Variants in GADL1 observed in about 807,000 individuals in gnomAD.
GADL1 encodes GAD like acidic amino acid decarboxylase 1.
In GADL1, 71 loss-of-function variants were observed where a neutral mutation model predicts 69.5. That is an observed-to-expected ratio of 1.02 (90% CI 0.84 to 1.25). The LOEUF (loss-of-function observed/expected upper bound fraction) is 1.25. GADL1 is among the 50% of genes most tolerant of loss of function. GADL1 has a pLI of 0.00. For missense variants in GADL1, 737 were observed against 631.8 expected, an observed-to-expected ratio of 1.17 and a Z score of -1.79; for synonymous variants, 254 against 214.4, an observed-to-expected ratio of 1.18 and a Z score of -1.62.
intron 13 of GADL1, among the ~76,000 whole-genome samples, chr3:30,786,060 C>A (rs1696782480): frequency 6.6e-6 from 1 of 152,144 alleles, no homozygotes; most frequent in Admixed American, 6.6e-5. Context: ...ATTTGCAGTA[C>A]AATCATGCAA....
At chr3:30,739,363 G>T (rs142784149) in intron 14 of GADL1, among the ~76,000 whole-genome samples, 211 of 152,074 alleles carry the variant, frequency 1.4e-3, no homozygotes, top group Admixed American at 2.7e-3. Flanking sequence ...CTATCTACCT[G>T]CCCCCACCTG....
At chr3:30,841,836 G>T (rs567602491) in intron 8 of GADL1, among the ~76,000 whole-genome samples, 2 of 152,232 alleles carry the variant, frequency 1.3e-5, no homozygotes, top group South Asian at 4.1e-4. Context: ...GATGTCTCCT[G>T]ATGGCAGGAG....
intron 14 of GADL1, among the ~76,000 whole-genome samples, chr3:30,766,745 C>T (rs572198747): frequency 6.6e-6 from 1 of 150,724 alleles, no homozygotes; most frequent in South Asian, 2.1e-4. Flanking sequence ...GTCAGCTAGA[C>T]TGCAGGGGAC....
intron 1 of GADL1, among the ~76,000 whole-genome samples, chr3:30,876,798 T>C (rs1399843173): frequency 6.6e-6 from 1 of 151,934 alleles, no homozygotes; most frequent in African/African-American, 2.4e-5. Flanking sequence ...AACTTTCTTG[T>C]TCTTCACATG....
At position 30,839,529 on chromosome 3, in the gene GADL1, G is replaced by GAAAAAAAAAAAAAAAAAAA. The variant is rs1491390714; in HGVS notation, c.787-417_787-416insTTTTTTTTTTTTTTTTTTT. The stretch of plus-strand genomic sequence containing the variant: ...GTCATCTTCTCAAAAAAAAAAAAAG[G>GAAAAAAAAAAAAAAAAAAA]TTGGAAGACAGAGCTCCCGGAGTAA... On this transcript the variant is annotated intron_variant, in intron 8 of 14. Transcript: ENST00000282538. 5.8e-4 allele frequency among the ~76,000 whole-genome samples: 78 copies of GAAAAAAAAAAAAAAAAAAA among 133,804 alleles called. 5 individuals carry two copies. Among genetic ancestry groups the GAAAAAAAAAAAAAAAAAAA allele is most frequent in the African/African-American group, 2.3e-3 (77 of 33,994 alleles). 87.8% of individuals were successfully genotyped at this position (133,804 alleles called of 152,430 possible). A position where few individuals can be genotyped will look rare whatever the true frequency, so the allele number is the denominator to read the frequency against.
At chr3:30,872,252 G>T (rs886592197) in intron 1 of GADL1, among the ~76,000 whole-genome samples, 14 of 151,782 alleles carry the variant, frequency 9.2e-5, no homozygotes, top group Admixed American at 1.3e-4. Flanking sequence ...CACTTTACTC[G>T]ATCATATCCT....
intron 12 of GADL1, 83 bp downstream of exon 12, chr3:30,800,806 G>GACAC (rs35529398): frequency 3.3e-4 from 243 of 727,052 alleles, no homozygotes; most frequent in Middle Eastern, 1.9e-3. Context: ...GACACAGATA[G>GACAC]ACACACACAC....
intron 11 of GADL1, among the ~76,000 whole-genome samples, chr3:30,823,001 A>C (rs1431192746): frequency 1.3e-5 from 2 of 152,002 alleles, no homozygotes; most frequent in African/African-American, 2.4e-5. Flanking sequence ...AAAATTCAGA[A>C]CGTGGCACAT....
chr3:30,751,543 G>C (rs934507496), intron 14 of GADL1, among the ~76,000 whole-genome samples: 1 of 150,588 alleles, frequency 6.6e-6, no homozygotes, highest in African/African-American at 2.4e-5. Context: ...AAATAGGCAA[G>C]CTGGAAATAT....
intron 13 of GADL1, 99 bp downstream of exon 13, chr3:30,786,256 G>A: frequency 1.3e-6 from 1 of 762,710 alleles, no homozygotes; most frequent in Non-Finnish European, 2.3e-6. Context: ...TTTTAACTCT[G>A]CAACACAAAA....
At chr3:30,757,661 T>A (rs1004080085) in intron 14 of GADL1, among the ~76,000 whole-genome samples, 1 of 152,148 alleles carries the variant, frequency 6.6e-6, no homozygotes, top group African/African-American at 2.4e-5. Context: ...CAGAAGGACC[T>A]AGAATTCCAA....
intron 14 of GADL1, among the ~76,000 whole-genome samples, chr3:30,751,866 G>A (rs996962636): frequency 5.9e-5 from 9 of 152,174 alleles, no homozygotes; most frequent in Non-Finnish European, 1.3e-4. Context: ...AAATGGCAGG[G>A]CTAAATCTAG....
intron 14 of GADL1, among the ~76,000 whole-genome samples, chr3:30,767,452 A>T (rs1696307897): frequency 6.6e-6 from 1 of 151,852 alleles, no homozygotes; most frequent in Non-Finnish European, 1.5e-5. Flanking sequence ...TGGAAAACTG[A>T]AATAGTTTTT....
chr3:30,815,169 T>A (rs1472478510), intron 11 of GADL1, among the ~76,000 whole-genome samples: 2 of 152,134 alleles, frequency 1.3e-5, no homozygotes, highest in African/African-American at 4.8e-5. Flanking sequence ...TTATAATTTC[T>A]AATTTTCATT....
intron 1 of GADL1, among the ~76,000 whole-genome samples, chr3:30,877,191 A>T (rs936798520): frequency 9.2e-5 from 14 of 152,034 alleles, no homozygotes; most frequent in African/African-American, 3.4e-4. Context: ...AGTAAATAGC[A>T]GCGCTGATAT....
chr3:30,801,288 A>G (rs918144756), intron 11 of GADL1, among the ~76,000 whole-genome samples, 200 bp from the exon 12 acceptor site: 10 of 152,178 alleles, frequency 6.6e-5, no homozygotes, highest in African/African-American at 2.2e-4. Context: ...ACAAAACTTC[A>G]GAGTTGACAA....
At chr3:30,767,344 T>C (rs1237583898) in intron 14 of GADL1, among the ~76,000 whole-genome samples, 1 of 152,162 alleles carries the variant, frequency 6.6e-6, no homozygotes, top group Non-Finnish European at 1.5e-5. Flanking sequence ...TCCAGGAGGA[T>C]AGAGTATTAG....
intron 14 of GADL1, among the ~76,000 whole-genome samples, chr3:30,742,141 T>C (rs551061280): frequency 1.3e-5 from 2 of 152,168 alleles, no homozygotes; most frequent in South Asian, 2.1e-4. Flanking sequence ...TCTTCCCAGA[T>C]GAGACTCTAG....
intron 1 of GADL1, among the ~76,000 whole-genome samples, chr3:30,866,617 A>G (rs1005054772): frequency 2.6e-5 from 4 of 152,056 alleles, no homozygotes; most frequent in Non-Finnish European, 5.9e-5. Flanking sequence ...CTGGAAGGGC[A>G]GGAAGAGAGG....
Sources: allele counts gnomAD v4.1 joint callset (sites outside exome capture counted in the v4.1 genomes callset), GRCh38; gene constraint gnomAD v4.1.1; transcripts MANE v1.5; gene names NCBI Gene and HGNC (gene_info 2026-07-23, HGNC 2026-07-21).